PGAP2: variants seen among roughly 807,000 people sequenced by gnomAD.
PGAP2 encodes the protein post-GPI attachment to proteins 2, also known as acyltransferase PGAP2.
Under a neutral mutation model 33.2 loss-of-function variants are expected in PGAP2, and 21 were observed. The observed-to-expected ratio is 0.63, with a 90% CI of 0.45 to 0.91. PGAP2 has a LOEUF of 0.91. PGAP2 is among the 40% of genes least tolerant of loss of function. PGAP2 has a pLI of 0.00. For synonymous variants in PGAP2, 161 were observed against 172.9 expected (o/e 0.93, Z 0.54); for missense variants, 345 against 424.0 (o/e 0.81, Z 1.64).
rs557765898 is a variant in PGAP2, at chr11:3,824,210, T to G, written c.602-60T>G. Reference sequence around the variant, plus strand: ...GGCCTGCCCCTACCACATTCGGACCTTCCTACTTCGTGGTGTGGGCACTCC... The same window carrying G: ...GGCCTGCCCCTACCACATTCGGACCGTCCTACTTCGTGGTGTGGGCACTCC... On this transcript the variant is annotated intron_variant, in intron 4 of 6. Coordinates refer to ENST00000278243, the MANE Select transcript of PGAP2 (RefSeq NM_014489.4). The G allele has an allele frequency of 6.7e-3, 10,799 of 1,612,396 alleles. 41 individuals carry two copies. The highest frequency in any genetic ancestry group is 8.3e-3 in the Non-Finnish European group (9,840 of 1,178,486).
At chr11:3,806,975 C>T (rs532129773), upstream of PGAP2, among the ~76,000 whole-genome samples, 2 of 150,258 alleles carry the variant, frequency 1.3e-5, no homozygotes, top group South Asian at 2.1e-4. Flanking sequence ...GAGCCGAGAT[C>T]GTGGCACTGC....
exon 1 of PGAP2, chr11:3,797,837 C>T (rs779913251): frequency 1.3e-6 from 2 of 1,550,104 alleles, no homozygotes; most frequent in South Asian, 1.2e-5. Flanking sequence ...TCGAAGTGGG[C>T]TTGTGAATGG....
chr11:3,820,671 A>G (rs1189147155), intron 3 of PGAP2, among the ~76,000 whole-genome samples: 1 of 152,062 alleles, frequency 6.6e-6, no homozygotes, highest in East Asian at 1.9e-4. Context: ...AAAAAAAAAA[A>G]GAAAAATTAG....
At position 3,825,578 on chromosome 11, in the gene PGAP2, AGAAG is replaced by A. The variant is rs937292969; in HGVS notation, c.*126_*129del. 10 of 1,128,684 alleles carry A rather than the reference AGAAG, an allele frequency of 8.9e-6. No homozygotes were observed. Among genetic ancestry groups the A allele is most frequent in the South Asian group, 4.6e-5 (3 of 64,822 alleles). The allele number at this position is 1,128,684 out of a possible 1,614,324, so 69.9% of individuals were successfully genotyped here. A position where few individuals can be genotyped will look rare whatever the true frequency, so the allele number is the denominator to read the frequency against. On this transcript the variant is annotated 3_prime_UTR_variant, in exon 7 of 7. Coordinates refer to ENST00000278243, the MANE Select transcript of PGAP2 (RefSeq NM_014489.4). ...CCTTACTGAAGATGGGGGAAGGGTA[AGAAG>A]GAAGGGTGTAGGCCAAGGCTCACCC... is the stretch of plus-strand genomic sequence containing the variant.
intron 1 of PGAP2, among the ~76,000 whole-genome samples, chr11:3,798,444 C>G (rs2082896355): frequency 6.6e-6 from 1 of 152,146 alleles, no homozygotes; most frequent in African/African-American, 2.4e-5. Context: ...ATTCTCCCGC[C>G]TTAGCCTCCC....
At chr11:3,804,298 A>AC (rs2083966391), upstream of PGAP2, among the ~76,000 whole-genome samples, 1 of 152,080 alleles carries the variant, frequency 6.6e-6, no homozygotes, top group Non-Finnish European at 1.5e-5. Context: ...AAGCAGATGA[A>AC]CAGGGGAAGA....
upstream of PGAP2, among the ~76,000 whole-genome samples, chr11:3,803,953 G>A (rs2134178746): frequency 6.6e-6 from 1 of 151,964 alleles, no homozygotes; most frequent in South Asian, 2.1e-4. Flanking sequence ...ACCACGCCTG[G>A]CTAATTTTTG....
upstream of PGAP2, among the ~76,000 whole-genome samples, chr11:3,807,311 T>TTG (rs771747892): frequency 7.6e-4 from 19 of 24,876 alleles, no homozygotes; most frequent in Non-Finnish European, 2.4e-3. Context: ...TTTCACAGGT[T>TTG]TTTTTTTTTT....
chr11:3,821,072 A>T (rs2088506251), intron 3 of PGAP2, among the ~76,000 whole-genome samples: 1 of 152,244 alleles, frequency 6.6e-6, no homozygotes, highest in Non-Finnish European at 1.5e-5. Flanking sequence ...AAGCTATGGT[A>T]TCTCAAGCTA....
chr11:3,813,215 G>T (rs534297486), intron 2 of PGAP2, among the ~76,000 whole-genome samples: 34 of 152,226 alleles, frequency 2.2e-4, no homozygotes, highest in Non-Finnish European at 4.6e-4. Context: ...AAGTATTTGG[G>T]TTTTTTTATT....
chr11:3,818,727 A>G (rs1160640152), intron 3 of PGAP2, among the ~76,000 whole-genome samples: 3 of 152,192 alleles, frequency 2.0e-5, no homozygotes, highest in African/African-American at 7.2e-5. Context: ...AGGGGCATGG[A>G]ATTAGATATG....
chr11:3,825,915 A>C lies in PGAP2; in HGVS notation c.*457A>C, dbSNP rs535927883. On this transcript the variant is annotated 3_prime_UTR_variant, in exon 7 of 7. Coordinates refer to ENST00000278243, the MANE Select transcript of PGAP2 (RefSeq NM_014489.4). Reference sequence around the variant, plus strand: ...TGTGCACATCCAGGCCTGTGGCCACAGTCCCCTGCTAAAGTTGCTCAGGTG... The same window carrying C: ...TGTGCACATCCAGGCCTGTGGCCACCGTCCCCTGCTAAAGTTGCTCAGGTG... 6 of 161,662 alleles carry C rather than the reference A, an allele frequency of 3.7e-5. No individual in the cohort carries two copies. Among genetic ancestry groups the C allele is most frequent in the African/African-American group, 1.2e-4 (5 of 41,686 alleles). The allele number at this position is 161,662 out of a possible 1,614,324, so 10.0% of individuals were successfully genotyped here.
At chr11:3,817,901 C>T (rs1222401454) in intron 3 of PGAP2, 1 of 463,446 alleles carries the variant, frequency 2.2e-6, no homozygotes, top group Middle Eastern at 5.7e-4. Context: ...AAAAAATTAG[C>T]TGGGTGCCCT....
chr11:3,819,461 A>C (rs16929738), intron 3 of PGAP2, among the ~76,000 whole-genome samples: 2 of 151,814 alleles, frequency 1.3e-5, no homozygotes, highest in African/African-American at 4.8e-5. Context: ...TTGACAGCAA[A>C]TGGAGTTTTT....
At position 3,811,338 on chromosome 11, in the gene PGAP2, G is replaced by A. The variant is rs151300350; in HGVS notation, c.79G>A (p.Val27Ile). The A allele has an allele frequency of 1.5e-5, 25 of 1,613,962 alleles. No homozygotes were observed. Among genetic ancestry groups the A allele is most frequent in the Non-Finnish European group, 1.9e-5 (22 of 1,180,000 alleles). ...LRFTMVALVT[V>I]CCPLVAFLFC... The stretch of plus-strand genomic sequence containing the variant: ...CTTCACCATGGTGGCCCTGGTCACG[G>A]TCTGCTGTCCACTTGTCGCCTTCCT... Residue 27 changes from valine to isoleucine, a missense_variant, in exon 2 of 7, where the codon GTC (valine) becomes ATC (isoleucine). This residue lies in a region of PGAP2 where 34 missense variants were observed against 70.3 expected (regional missense o/e 0.48). Coordinates refer to ENST00000278243, the MANE Select transcript of PGAP2 (RefSeq NM_014489.4). This position sits in a 1 kb window ranked among gnomAD's most constrained non-coding sequence, Gnocchi z 4.6.
Position 3,825,143 on chromosome 11 carries a change from G to A in PGAP2, c.817+15G>A. On this transcript the variant is annotated intron_variant, in intron 6 of 6. Transcript: ENST00000278243. ...TGAGGCTGGAGGTGAGGCCAGGATAGGATCCACAGGCGGTCATGAGTGGCT... is the reference window on the plus strand; with the variant it reads ...TGAGGCTGGAGGTGAGGCCAGGATAAGATCCACAGGCGGTCATGAGTGGCT... The A allele has an allele frequency of 6.2e-7, 1 of 1,613,258 alleles. No homozygotes were observed. The highest frequency in any genetic ancestry group is 1.3e-5 in the African/African-American group (1 of 75,034).
chr11:3,824,227 G>C, intron 4 of PGAP2, 43 bp from the exon 5 acceptor site: 1 of 1,613,200 alleles, frequency 6.2e-7, no homozygotes, highest in Non-Finnish European at 8.5e-7. Flanking sequence ...TTCGTGGTGT[G>C]GGCACTCCCT....
At chr11:3,816,551 C>T (rs977640662) in intron 2 of PGAP2, among the ~76,000 whole-genome samples, 2 of 152,158 alleles carry the variant, frequency 1.3e-5, no homozygotes, top group Non-Finnish European at 2.9e-5. Flanking sequence ...GGCTCAAGCT[C>T]AGTGGAGAAG....
At chr11:3,798,422 C>T (rs957817299) in intron 1 of PGAP2, among the ~76,000 whole-genome samples, 1 of 152,128 alleles carries the variant, frequency 6.6e-6, no homozygotes, top group Non-Finnish European at 1.5e-5. Flanking sequence ...CTCTGCCTCC[C>T]GGGTTCAAGC....
Sources: allele counts gnomAD v4.1 joint callset (sites outside exome capture counted in the v4.1 genomes callset), GRCh38; gene constraint gnomAD v4.1.1; regional missense constraint gnomAD v4.1.1; non-coding constraint Gnocchi (gnomAD v3.1); transcripts MANE v1.5; gene names NCBI Gene and HGNC (gene_info 2026-07-23, HGNC 2026-07-21).